The following DACH1 variants were observed in gnomAD, a reference collection of about 807,000 sequenced individuals.
DACH1 encodes the protein dachshund family transcription factor 1.
DACH1 carries 12 observed loss-of-function variants against 54.2 expected under a neutral mutation model. The ratio of observed to expected loss-of-function variants is 0.22; its 90% CI spans 0.14 to 0.36. The LOEUF is 0.36. Among genes scored for constraint, DACH1 ranks in the 10% least tolerant of loss-of-function variants. The pLI is 1.00. For synonymous variants in DACH1, 386 were observed against 366.2 expected, an observed-to-expected ratio of 1.05 and a Z score of -0.62; for missense variants, 805 against 929.8, an observed-to-expected ratio of 0.87 and a Z score of 1.75.
chr13:71,569,899 T>C (rs905407265), intron 4 of DACH1, among the ~76,000 whole-genome samples: 8 of 152,172 alleles, frequency 5.3e-5, no homozygotes, highest in African/African-American at 1.9e-4. Flanking sequence ...CAATCTTCTA[T>C]GACATTTAAC....
At chr13:71,584,939 G>T (rs1050139366) in intron 3 of DACH1, among the ~76,000 whole-genome samples, 11 of 151,972 alleles carry the variant, frequency 7.2e-5, no homozygotes, top group African/African-American at 2.7e-4. Context: ...TATCCAGCAT[G>T]CTATGGTGTA....
chr13:71,535,829 T>G (rs535037931), intron 6 of DACH1, among the ~76,000 whole-genome samples: 28 of 152,128 alleles, frequency 1.8e-4, no homozygotes, highest in African/African-American at 6.0e-4. Context: ...TTTAAAAATG[T>G]TTTGAACAAT....
rs115472338 is a variant in DACH1, at chr13:71,811,345, C to T, written c.848+54577G>A. On this transcript the variant is annotated intron_variant, in intron 1 of 10. Transcript: ENST00000613252. Reference sequence around the variant, plus strand: ...TATTTAAAAATATAAAATGTATGTTCCATATTACAGATTAAATATTTTTAA... The same window carrying T: ...TATTTAAAAATATAAAATGTATGTTTCATATTACAGATTAAATATTTTTAA... Among the ~76,000 whole-genome samples, 876 of 151,968 alleles carry T rather than the reference C, an allele frequency of 5.8e-3. 13 individuals are homozygous for T. Among genetic ancestry groups the T allele is most frequent in the African/African-American group, 0.02 (827 of 41,444 alleles).
intron 7 of DACH1, among the ~76,000 whole-genome samples, chr13:71,479,568 G>T (rs544108798): frequency 6.6e-6 from 1 of 152,190 alleles, no homozygotes; most frequent in Non-Finnish European, 1.5e-5. Context: ...TAGATCCAAA[G>T]CTAAGTAGAT....
chr13:71,698,473 T>C (rs1406955800), intron 1 of DACH1, among the ~76,000 whole-genome samples: 2 of 152,104 alleles, frequency 1.3e-5, no homozygotes, highest in Non-Finnish European at 2.9e-5. Flanking sequence ...ATATGAATGC[T>C]ACTTAAACCA....
At chr13:71,767,560 T>C (rs1422426121) in intron 1 of DACH1, among the ~76,000 whole-genome samples, 1 of 147,520 alleles carries the variant, frequency 6.8e-6, no homozygotes, top group Non-Finnish European at 1.5e-5. Flanking sequence ...TTGTAAACCA[T>C]AATGTTATAG....
At chr13:71,735,073 G>T (rs1003189508) in intron 1 of DACH1, among the ~76,000 whole-genome samples, 1 of 150,244 alleles carries the variant, frequency 6.7e-6, no homozygotes, top group Admixed American at 6.6e-5. Flanking sequence ...ATATATATGG[G>T]ATATACGTAT....
chr13:71,763,433 T>C (rs1308646278), intron 1 of DACH1, among the ~76,000 whole-genome samples: 1 of 152,194 alleles, frequency 6.6e-6, no homozygotes, highest in African/African-American at 2.4e-5. Context: ...TCAAACCCCA[T>C]GATAATTACT....
intron 3 of DACH1, among the ~76,000 whole-genome samples, chr13:71,592,862 A>T (rs1404506556): frequency 6.6e-6 from 1 of 152,198 alleles, no homozygotes; most frequent in East Asian, 1.9e-4. Context: ...GACTTAACCC[A>T]GTATGGTCCA....
intron 3 of DACH1, among the ~76,000 whole-genome samples, chr13:71,578,123 G>C (rs967556674): frequency 6.6e-6 from 1 of 152,064 alleles, no homozygotes; most frequent in Non-Finnish European, 1.5e-5. Flanking sequence ...TTTATACCTA[G>C]GTGACATGTA....
chr13:71,774,999 C>T (rs1886002114), intron 1 of DACH1, among the ~76,000 whole-genome samples: 1 of 151,748 alleles, frequency 6.6e-6, no homozygotes, highest in Admixed American at 6.6e-5. Flanking sequence ...AAGAATGCTC[C>T]CCTAGCAGGG....
rs186115718 is a variant in DACH1 at position 71,685,444 on chromosome 13, T to C, written c.849-3534A>G. On this transcript the variant is annotated intron_variant, in intron 1 of 10. Coordinates refer to ENST00000613252, the MANE Select transcript of DACH1 (RefSeq NM_080759.6). ...GAAAGGGACTGAAAGAAAATACTTGTAGGGACAAGTAAATCACTTATTCTT... is the reference window on the plus strand; with the variant it reads ...GAAAGGGACTGAAAGAAAATACTTGCAGGGACAAGTAAATCACTTATTCTT... Among the ~76,000 whole-genome samples, 20 of 152,330 alleles carry C rather than the reference T, an allele frequency of 1.3e-4. No individual in the cohort carries two copies. In the East Asian group the frequency reaches 3.9e-3, roughly 29 times the overall value.
intron 1 of DACH1, among the ~76,000 whole-genome samples, chr13:71,737,179 C>T (rs1466889030): frequency 1.3e-5 from 2 of 151,932 alleles, no homozygotes; most frequent in East Asian, 1.9e-4. Flanking sequence ...GCTAAGATCA[C>T]GCCTTTGCAC....
chr13:71,511,237 CT>C (rs1481456649), intron 6 of DACH1, among the ~76,000 whole-genome samples: 4 of 151,916 alleles, frequency 2.6e-5, no homozygotes, highest in African/African-American at 9.7e-5. Context: ...TAGAAAACTA[CT>C]ATTTATAACC....
intron 1 of DACH1, among the ~76,000 whole-genome samples, chr13:71,835,224 G>T (rs1042345722): frequency 2.0e-5 from 3 of 151,996 alleles, no homozygotes; most frequent in African/African-American, 7.2e-5. Context: ...TTCACTTAAT[G>T]AATAAAATAC....
intron 1 of DACH1, among the ~76,000 whole-genome samples, chr13:71,723,210 C>A (rs190480710): frequency 3.3e-5 from 5 of 150,780 alleles, no homozygotes; most frequent in Admixed American, 1.3e-4. Flanking sequence ...GAGAACCAGC[C>A]TGGGAAAACC....
intron 3 of DACH1, among the ~76,000 whole-genome samples, chr13:71,612,174 C>G (rs1875381625): frequency 6.6e-6 from 1 of 152,006 alleles, no homozygotes; most frequent in South Asian, 2.1e-4. Context: ...GTTATGGCCA[C>G]AGAAATCTCA....
rs1420586124 is a variant in DACH1, at chr13:71,841,114, T to TA, written c.848+24807dup. Among the ~76,000 whole-genome samples, 4 of 152,178 alleles carry TA rather than the reference T, an allele frequency of 2.6e-5. No homozygotes were observed. In the East Asian group the frequency reaches 7.7e-4, roughly 29 times the overall value. ...AAAATATGTGGATGCCATGAAATCA[T>TA]AAGATTTCAACTCTAAAAAGTTTAT... On this transcript the variant is annotated intron_variant, in intron 1 of 10. Coordinates refer to ENST00000613252, the MANE Select transcript of DACH1 (RefSeq NM_080759.6).
In DACH1 at chr13:71,572,834, A is replaced by C; in HGVS notation, c.1299+6T>G. The C allele has an allele frequency of 6.2e-7, 1 of 1,605,626 alleles. No individual in the cohort carries two copies. Among genetic ancestry groups the C allele is most frequent in the Non-Finnish European group, 8.5e-7 (1 of 1,176,414 alleles). On this transcript the variant is annotated splice_donor_region_variant and intron_variant, in intron 4 of 10. Transcript: ENST00000613252. ...TGCCAAAATAATTGTATAAAAAAAG[A>C]ATTACCTTAATAACTGATGTCTCAA...
Sources: allele counts gnomAD v4.1 joint callset (sites outside exome capture counted in the v4.1 genomes callset), GRCh38; gene constraint gnomAD v4.1.1; transcripts MANE v1.5; gene names NCBI Gene and HGNC (gene_info 2026-07-23, HGNC 2026-07-21).